The following SDK1 variants were observed in gnomAD, a reference collection of about 807,000 sequenced individuals.
SDK1 encodes the protein protein sidekick-1.
SDK1 carries 157 observed loss-of-function variants against 245.5 expected under a neutral mutation model. The observed-to-expected ratio is 0.64, with a 90% CI of 0.56 to 0.73. SDK1 has a LOEUF of 0.73. Ranked by LOEUF, SDK1 falls within the 30% of genes least tolerant of loss-of-function variation. The probability of loss-of-function intolerance (pLI) is 0.00; values close to 1 mark genes in which losing one functional copy is unlikely to be tolerated. For synonymous variants in SDK1, 1,647 were observed against 1,278.5 expected (o/e 1.29, Z -6.15); for missense variants, 3,583 against 3,002.3 (o/e 1.19, Z -4.52).
intron 1 of SDK1, among the ~76,000 whole-genome samples, chr7:3,508,301 C>T (rs571128351): frequency 4.0e-5 from 6 of 150,438 alleles, no homozygotes; most frequent in South Asian, 4.3e-4. Context: ...TCCTCTCTGA[C>T]ATCATCATTC....
rs555631822 is a variant in SDK1 at position 3,507,351 on chromosome 7, G to C, written c.299-111729G>C. Reference sequence around the variant, plus strand: ...TCTTTGTAGAACTCCTTCTGTTTTTGTATTCTCCCTTCAAATTGCTCTGAT... The same window carrying C: ...TCTTTGTAGAACTCCTTCTGTTTTTCTATTCTCCCTTCAAATTGCTCTGAT... On this transcript the variant is annotated intron_variant, in intron 1 of 44. Coordinates refer to ENST00000404826, the MANE Select transcript of SDK1 (RefSeq NM_152744.4). Among the ~76,000 whole-genome samples the C allele has an allele frequency of 2.5e-3, 380 of 152,208 alleles. 1 individual carries two copies. The highest frequency in any genetic ancestry group is 0.01 in the Middle Eastern group (3 of 294).
rs867642958 is a variant in SDK1 at position 4,147,922 on chromosome 7, G to A, written c.4424-1340G>A. On this transcript the variant is annotated intron_variant, in intron 29 of 44. Coordinates refer to ENST00000404826, the MANE Select transcript of SDK1 (RefSeq NM_152744.4). ...ACGTGTGCAGGTGCATCACAGACAC[G>A]GTCTCACAGCAGGTCCTCTTATTTC... Among the ~76,000 whole-genome samples, 50 of 152,252 alleles carry A rather than the reference G, an allele frequency of 3.3e-4. 1 individual carries two copies. The Middle Eastern group carries it at 0.031, about 93-fold the overall frequency.
intron 1 of SDK1, among the ~76,000 whole-genome samples, chr7:3,535,128 T>C (rs887535295): frequency 2.0e-5 from 3 of 151,902 alleles, no homozygotes; most frequent in Admixed American, 1.3e-4. Flanking sequence ...TACAAAAAAT[T>C]AGCTGGGCAT....
At chr7:4,049,573 T>G (rs773820490) in intron 18 of SDK1, 110 bp downstream of exon 18, 11 of 792,234 alleles carry the variant, frequency 1.4e-5, no homozygotes, top group Non-Finnish European at 2.1e-5. Context: ...TGCATTAAGA[T>G]ACAGGGCGTC....
chr7:3,784,833 A>C (rs1208759205), intron 4 of SDK1, among the ~76,000 whole-genome samples: 1 of 152,208 alleles, frequency 6.6e-6, no homozygotes, highest in East Asian at 1.9e-4. Context: ...CTGCCATATG[A>C]TCTGGCAATC....
intron 35 of SDK1, among the ~76,000 whole-genome samples, chr7:4,197,026 A>T (rs1053027985): frequency 2.0e-5 from 3 of 152,224 alleles, no homozygotes; most frequent in African/African-American, 7.2e-5. Context: ...TCATCTTATT[A>T]AACAGAAATA....
At chr7:3,401,919 T>A (rs548325472) in intron 1 of SDK1, among the ~76,000 whole-genome samples, 1 of 152,322 alleles carries the variant, frequency 6.6e-6, no homozygotes, top group African/African-American at 2.4e-5. Context: ...GCTAGGAGTT[T>A]ATATCATGTT....
At chr7:3,371,311 C>A (rs1781221982) in intron 1 of SDK1, among the ~76,000 whole-genome samples, 1 of 152,084 alleles carries the variant, frequency 6.6e-6, no homozygotes, top group East Asian at 1.9e-4. Flanking sequence ...ATGGGGCTCT[C>A]CTAGTCAAAA....
intron 5 of SDK1, among the ~76,000 whole-genome samples, chr7:3,925,401 C>T (rs533963317): frequency 2.6e-5 from 4 of 152,212 alleles, no homozygotes; most frequent in Non-Finnish European, 5.9e-5. Context: ...CAGTCAGTGA[C>T]GCATGCTTGG....
chr7:3,577,397 C>T (rs187518358), intron 1 of SDK1, among the ~76,000 whole-genome samples: 1 of 152,164 alleles, frequency 6.6e-6, no homozygotes, highest in East Asian at 1.9e-4. Context: ...CAGAGTGGCC[C>T]ATGATGTCTG....
At chr7:3,507,377 C>G (rs1383812278) in intron 1 of SDK1, among the ~76,000 whole-genome samples, 1 of 152,182 alleles carries the variant, frequency 6.6e-6, no homozygotes, top group Non-Finnish European at 1.5e-5. Context: ...TTGCTCTGAT[C>G]TCTGTGTTGT....
At chr7:3,594,555 G>A (rs574375992) in intron 1 of SDK1, among the ~76,000 whole-genome samples, 8 of 152,164 alleles carry the variant, frequency 5.3e-5, no homozygotes, top group Non-Finnish European at 1.0e-4. Flanking sequence ...CATTGCCGCC[G>A]GTCATGTATG....
chr7:3,421,058 A>ATT (rs112274032), intron 1 of SDK1, among the ~76,000 whole-genome samples: 1 of 130,786 alleles, frequency 7.6e-6, no homozygotes. Context: ...GCTTTTATCA[A>ATT]TTTTTTTTTT....
intron 1 of SDK1, among the ~76,000 whole-genome samples, chr7:3,415,584 A>G (rs1303446731): frequency 1.3e-5 from 2 of 152,028 alleles, no homozygotes; most frequent in African/African-American, 4.8e-5. Context: ...AAATGCCCAT[A>G]TACACACACA....
chr7:4,249,457 G>A (rs963226206), intron 44 of SDK1, among the ~76,000 whole-genome samples: 1 of 152,206 alleles, frequency 6.6e-6, no homozygotes, highest in Non-Finnish European at 1.5e-5. Context: ...ATGGTTCCTA[G>A]TGCCTTTTGG....
At chr7:4,158,342 A>G (rs1780899957) in intron 30 of SDK1, 106 bp from the exon 31 acceptor site, 2 of 845,256 alleles carry the variant, frequency 2.4e-6, no homozygotes, top group African/African-American at 1.7e-5. Context: ...CAGAGCTCTC[A>G]GGGCAGGGGA....
intron 7 of SDK1, among the ~76,000 whole-genome samples, chr7:3,953,890 A>G (rs993289958): frequency 1.3e-5 from 2 of 152,184 alleles, no homozygotes; most frequent in African/African-American, 4.8e-5. Context: ...GTTGGCGCAC[A>G]CTGCAAAAAC....
chr7:3,522,442 T>G (rs1275236833), intron 1 of SDK1, among the ~76,000 whole-genome samples: 1 of 152,184 alleles, frequency 6.6e-6, no homozygotes, highest in Non-Finnish European at 1.5e-5. Flanking sequence ...AAGAGAATCT[T>G]CAGACCCACA....
At chr7:4,121,107 C>T (rs886698170) in intron 25 of SDK1, among the ~76,000 whole-genome samples, 1 of 151,100 alleles carries the variant, frequency 6.6e-6, no homozygotes, top group Non-Finnish European at 1.5e-5. Flanking sequence ...TGTTTTTTTT[C>T]AGACAATCTT....
Sources: gnomAD v4.1 joint callset for allele counts (sites outside exome capture counted in the v4.1 genomes callset) on GRCh38, gnomAD v4.1.1 for gene constraint, MANE v1.5 for transcripts, NCBI Gene and HGNC (gene_info 2026-07-23, HGNC 2026-07-21) for gene names.